Variants in GRID2 observed in about 807,000 individuals in gnomAD.
The protein encoded by GRID2 is glutamate ionotropic receptor delta type subunit 2.
A neutral mutation model predicts 114.8 loss-of-function variants in GRID2; 33 were observed. The observed-to-expected ratio is 0.29, with a 90% CI of 0.22 to 0.38. GRID2 has a LOEUF of 0.38. Among genes scored for constraint, GRID2 ranks in the 10% least tolerant of loss-of-function variants. The pLI is 1.00. For synonymous variants in GRID2, 505 were observed against 449.9 expected, an observed-to-expected ratio of 1.12 and a Z score of -1.55; for missense variants, 1,184 against 1,257.7, an observed-to-expected ratio of 0.94 and a Z score of 0.89.
At chr4:92,709,590 ATATAT>A (rs1456769497) in intron 2 of GRID2, among the ~76,000 whole-genome samples, 61 of 98,934 alleles carry the variant, frequency 6.2e-4, no homozygotes, top group African/African-American at 2.3e-3. Context: ...AAAAAAAAAA[ATATAT>A]ATATATATAT....
intron 1 of GRID2, among the ~76,000 whole-genome samples, chr4:92,339,682 T>G (rs1727374489): frequency 6.6e-6 from 1 of 152,130 alleles, no homozygotes; most frequent in Admixed American, 6.6e-5. Context: ...ACCCCTGAAG[T>G]ATACTAATTT....
intron 2 of GRID2, among the ~76,000 whole-genome samples, chr4:92,704,717 C>CTT (rs1734860137): frequency 1.0e-4 from 15 of 143,606 alleles, no homozygotes; most frequent in South Asian, 9.7e-4. Flanking sequence ...CTCTCTCTCT[C>CTT]TCTCTTTCTC....
intron 1 of GRID2, among the ~76,000 whole-genome samples, chr4:92,366,186 A>G (rs187523856): frequency 8.2e-4 from 124 of 152,106 alleles, no homozygotes; most frequent in Middle Eastern, 3.4e-3. Context: ...AGAAATGTTA[A>G]ATTTATATCC....
At chr4:93,535,570 G>A (rs1731974415) in intron 13 of GRID2, among the ~76,000 whole-genome samples, 1 of 151,748 alleles carries the variant, frequency 6.6e-6, no homozygotes, top group Non-Finnish European at 1.5e-5. Context: ...ACTATCTTTT[G>A]TCTATTTAAT....
intron 10 of GRID2, among the ~76,000 whole-genome samples, chr4:93,448,137 A>T (rs929051180): frequency 6.6e-6 from 1 of 151,890 alleles, no homozygotes; most frequent in East Asian, 1.9e-4. Context: ...GAATGGTATT[A>T]AAAAATCAAA....
chr4:93,741,026 AC>A (rs1411397581), intron 14 of GRID2, among the ~76,000 whole-genome samples: 7 of 151,374 alleles, frequency 4.6e-5, no homozygotes, highest in Middle Eastern at 6.8e-3. Context: ...TAATTTAATG[AC>A]TACATAGTTT....
chr4:92,792,893 A>ATTTT (rs11456511), intron 2 of GRID2, among the ~76,000 whole-genome samples: 4 of 133,270 alleles, frequency 3.0e-5, no homozygotes, highest in African/African-American at 5.5e-5. Context: ...CATAATATCC[A>ATTTT]TTTTTTTTTT....
chr4:93,551,987 T>C (rs966997402), intron 13 of GRID2, among the ~76,000 whole-genome samples: 1 of 151,798 alleles, frequency 6.6e-6, no homozygotes, highest in African/African-American at 2.4e-5. Flanking sequence ...CCATTAACTC[T>C]TCATTTAACA....
intron 6 of GRID2, among the ~76,000 whole-genome samples, chr4:93,224,202 C>A (rs1024818411): frequency 6.6e-6 from 1 of 152,136 alleles, no homozygotes; most frequent in Non-Finnish European, 1.5e-5. Context: ...ATTTTTCCAT[C>A]TGAATAACTA....
intron 2 of GRID2, among the ~76,000 whole-genome samples, chr4:92,641,720 A>T (rs1171729623): frequency 1.3e-5 from 2 of 151,688 alleles, no homozygotes; most frequent in East Asian, 3.9e-4. Context: ...GGTTTTTTAC[A>T]TGGGTATATT....
chr4:92,516,089 C>T (rs1259703777), intron 1 of GRID2, among the ~76,000 whole-genome samples: 2 of 151,864 alleles, frequency 1.3e-5, no homozygotes, highest in Non-Finnish European at 2.9e-5. Flanking sequence ...TGGGATCTTT[C>T]TGTTCTTTAT....
chr4:93,511,237 C>T (rs1275609867), intron 12 of GRID2, among the ~76,000 whole-genome samples: 1 of 151,922 alleles, frequency 6.6e-6, no homozygotes, highest in East Asian at 1.9e-4. Flanking sequence ...GCGCCTGGCC[C>T]CAAATTAATT....
rs778616161 is a variant in GRID2 at position 92,604,976 on chromosome 4, G to A, written c.244+14690G>A. Among the ~76,000 whole-genome samples the A allele has an allele frequency of 4.6e-5, 7 of 151,076 alleles. No homozygotes were observed. The East Asian group carries it at 7.9e-4, about 17-fold the overall frequency. On this transcript the variant is annotated intron_variant, in intron 2 of 15. Transcript: ENST00000282020. Reference sequence around the variant, plus strand: ...GCTGTTCTCCTGATAGTGAGTTCTCGCAAGATCTGATGGTTTTATAAGGGG... The same window carrying A: ...GCTGTTCTCCTGATAGTGAGTTCTCACAAGATCTGATGGTTTTATAAGGGG...
intron 2 of GRID2, among the ~76,000 whole-genome samples, chr4:92,653,193 T>A (rs1732056010): frequency 1.3e-5 from 2 of 150,038 alleles, no homozygotes; most frequent in African/African-American, 2.4e-5. Flanking sequence ...AGAGATGGGG[T>A]GTCACCATCT....
intron 4 of GRID2, chr4:93,165,915 T>C (rs571951524): frequency 6.6e-6 from 1 of 152,236 alleles, no homozygotes; most frequent in South Asian, 2.1e-4. Context: ...ACTCAACCAA[T>C]ATTGCATTGA....
chr4:92,888,542 T>C lies in GRID2; in HGVS notation c.245-196453T>C, dbSNP rs575180178. 1.4e-3 allele frequency among the ~76,000 whole-genome samples: 210 copies of C among 152,166 alleles called. 1 individual carries two copies. The highest frequency in any genetic ancestry group is 4.7e-3 in the African/African-American group (197 of 41,544). ...CCAGTGGTATGTGGTGATATTATTG[T>C]GGCGCTGGGGGGATGAAACTAACGT... On this transcript the variant is annotated intron_variant, in intron 2 of 15. Transcript: ENST00000282020.
At position 93,260,397 on chromosome 4, in the gene GRID2, A is replaced by AT. The variant is rs1329610772; in HGVS notation, c.1245+21908dup. On this transcript the variant is annotated intron_variant, in intron 8 of 15. Coordinates refer to ENST00000282020, the MANE Select transcript of GRID2 (RefSeq NM_001510.4). ...AAGCCAAGTAAACCCTGTAGTAAAT[A>AT]TAAAAAAAAATATTAAAATAACAAG... is the stretch of plus-strand genomic sequence containing the variant. 1.2e-4 allele frequency among the ~76,000 whole-genome samples: 8 copies of AT among 69,546 alleles called. No individual in the cohort carries two copies. In the South Asian group the frequency reaches 2.7e-3, roughly 23 times the overall value. 45.6% of individuals were successfully genotyped at this position (69,546 alleles called of 152,430 possible). A position where few individuals can be genotyped will look rare whatever the true frequency, so the allele number is the denominator to read the frequency against.
At chr4:92,941,215 G>A (rs1033437440) in intron 2 of GRID2, among the ~76,000 whole-genome samples, 1 of 152,100 alleles carries the variant, frequency 6.6e-6, no homozygotes, top group Non-Finnish European at 1.5e-5. Context: ...TTTTTGGTTG[G>A]TAAGCTATTA....
intron 1 of GRID2, among the ~76,000 whole-genome samples, chr4:92,586,942 C>G (rs1019054959): frequency 1.3e-5 from 2 of 151,870 alleles, no homozygotes; most frequent in African/African-American, 4.8e-5. Flanking sequence ...TTTCTCCCCC[C>G]ATAAAAGGAA....
Sources: allele counts gnomAD v4.1 joint callset (sites outside exome capture counted in the v4.1 genomes callset), GRCh38; gene constraint gnomAD v4.1.1; transcripts MANE v1.5; gene names NCBI Gene and HGNC (gene_info 2026-07-23, HGNC 2026-07-21).